GYS2: variants seen among roughly 807,000 people sequenced by gnomAD.
GYS2 encodes glycogen synthase 2, also known as glycogen [starch] synthase, liver.
A neutral mutation model predicts 85.6 loss-of-function variants in GYS2; 80 were observed. The observed-to-expected ratio is 0.93, with a 90% CI of 0.78 to 1.13. The LOEUF is 1.13. GYS2 is among the 50% of genes most tolerant of loss of function. The pLI is 0.00. For synonymous variants in GYS2, 328 were observed against 300.7 expected (o/e 1.09, Z -0.94); for missense variants, 881 against 854.9 (o/e 1.03, Z -0.38).
chr12:21,558,204 ACT>A lies in GYS2; in HGVS notation c.1416_1417del (p.Arg472SerfsTer22), dbSNP rs751191059. 1 of 1,578,290 alleles carries A rather than the reference ACT, an allele frequency of 6.3e-7. No individual in the cohort carries two copies. The highest frequency in any genetic ancestry group is 8.7e-7 in the Non-Finnish European group (1 of 1,147,366). On this transcript the variant is annotated frameshift_variant, in exon 11 of 16. Transcript: ENST00000261195. LOFTEE classifies it high-confidence loss of function. The stretch of plus-strand genomic sequence containing the variant: ...CACATGAACAATTTGTTCTACCTTG[ACT>A]CTATCTGTGCGGTTGTTGAAAAGTC...
At chr12:21,537,476 G>T (rs1943923765) in intron 15 of GYS2, 2 of 370,996 alleles carry the variant, frequency 5.4e-6, no homozygotes, top group Non-Finnish European at 1.0e-5. Context: ...AAAATGGAGG[G>T]TTAGAGGGGT....
At chr12:21,555,268 G>T (rs1944164778) in intron 11 of GYS2, among the ~76,000 whole-genome samples, 1 of 151,848 alleles carries the variant, frequency 6.6e-6, no homozygotes, top group African/African-American at 2.4e-5. Context: ...AAGTCTCTGT[G>T]GATATAATAA....
In GYS2 at chr12:21,551,243, G is replaced by C. The variant is rs117169207; in HGVS notation, c.1423-4773C>G. On this transcript the variant is annotated intron_variant, in intron 11 of 15. Transcript: ENST00000261195. ...ATCTCATTGTTCAATTCCCACCTAT[G>C]AGTGAGAATAGACACTTTTCATGTT... is the stretch of plus-strand genomic sequence containing the variant. Among the ~76,000 whole-genome samples the C allele has an allele frequency of 8.2e-3, 1,159 of 140,986 alleles. 5 individuals are homozygous for C. Among genetic ancestry groups the C allele is most frequent in the Middle Eastern group, 0.014 (3 of 218 alleles). The allele number at this position is 140,986 out of a possible 152,430, so 92.5% of individuals were successfully genotyped here.
At chr12:21,561,488 A>AG (rs1944252332) in intron 7 of GYS2, among the ~76,000 whole-genome samples, 1 of 134,016 alleles carries the variant, frequency 7.5e-6, no homozygotes, top group African/African-American at 2.7e-5. Flanking sequence ...CCCTAGGAAC[A>AG]GCCAAGGTGC....
At chr12:21,540,791 GA>G (rs914098704) in intron 13 of GYS2, among the ~76,000 whole-genome samples, 2 of 152,034 alleles carry the variant, frequency 1.3e-5, no homozygotes, top group South Asian at 2.1e-4. Flanking sequence ...GGATCTTGCT[GA>G]AAAAAACTCT....
chr12:21,575,723 C>G, intron 3 of GYS2, 143 bp downstream of exon 3: 1 of 718,602 alleles, frequency 1.4e-6, no homozygotes, highest in Non-Finnish European at 2.5e-6. Context: ...TCAACATTTC[C>G]TCAGATTTCT....
intron 1 of GYS2, among the ~76,000 whole-genome samples, chr12:21,589,934 A>G (rs1468132659): frequency 6.6e-6 from 1 of 152,090 alleles, no homozygotes; most frequent in Non-Finnish European, 1.5e-5. Flanking sequence ...ACATCCCTGA[A>G]GCTCTGCTGA....
chr12:21,569,805 C>T, intron 4 of GYS2, among the ~76,000 whole-genome samples: 1 of 152,202 alleles, frequency 6.6e-6, no homozygotes, highest in East Asian at 1.9e-4. Flanking sequence ...GCACTAGTGT[C>T]AGGCACTCCA....
intron 11 of GYS2, among the ~76,000 whole-genome samples, chr12:21,549,369 A>G (rs1202814705): frequency 1.3e-5 from 2 of 152,226 alleles, no homozygotes; most frequent in African/African-American, 2.4e-5. Context: ...AGAACCATTC[A>G]TAAACTGTAC....
Position 21,540,463 on chromosome 12 carries a change from T to A in GYS2, c.1756A>T (p.Arg586Trp). 1 of 1,614,082 alleles carries A rather than the reference T, an allele frequency of 6.2e-7. No individual in the cohort carries two copies. The highest frequency in any genetic ancestry group is 1.3e-5 in the African/African-American group (1 of 75,046). The change falls in exon 14 of 16, where the codon AGG becomes TGG. Residue 586 changes from arginine to tryptophan, a missense_variant. By Grantham distance (101) the Arg-to-Trp change is moderately radical. Transcript: ENST00000261195. ...TCTGAGAGCCTCTCAGTTCTGTTCC[T>A]CTGGATAATCCTTTGGCGGCGTGAC... ...KQSRRQRIIQRNRTERLSDLL... is the reference protein window; with the variant it reads ...KQSRRQRIIQWNRTERLSDLL...
intron 4 of GYS2, among the ~76,000 whole-genome samples, chr12:21,572,329 A>T (rs942514742): frequency 6.6e-6 from 1 of 152,064 alleles, no homozygotes; most frequent in Non-Finnish European, 1.5e-5. Context: ...TTGTTCTCAT[A>T]TTTGCCCTAT....
At position 21,575,855 on chromosome 12, in the gene GYS2, A is replaced by G. The variant is rs1944438891; in HGVS notation, c.495+11T>C. 1.2e-6 allele frequency: 2 copies of G among 1,600,978 alleles called. No homozygotes were observed. Among genetic ancestry groups the G allele is most frequent in the East Asian group, 2.2e-5 (1 of 44,798 alleles). ...TGCTCCTCCGTTGTATCACTATATA[A>G]TAAACCATACCTCTTTTAAGAACCA... is the stretch of plus-strand genomic sequence containing the variant. On this transcript the variant is annotated intron_variant, in intron 3 of 15. Transcript: ENST00000261195.
At position 21,576,454 on chromosome 12, in the gene GYS2, G is replaced by A. The variant is rs573634020; in HGVS notation, c.304-397C>T. 9.9e-5 allele frequency among the ~76,000 whole-genome samples: 15 copies of A among 152,186 alleles called. No homozygotes were observed. In the South Asian group the frequency reaches 2.9e-3, roughly 29 times the overall value. ...AGTTGGATATAATGGCTCCAGTGTC[G>A]CTTATTTTCTTTTATGGAACAGGAC... On this transcript the variant is annotated intron_variant, in intron 2 of 15. Transcript: ENST00000261195.
At chr12:21,555,147 T>G (rs1591786824) in intron 11 of GYS2, among the ~76,000 whole-genome samples, 1 of 152,134 alleles carries the variant, frequency 6.6e-6, no homozygotes, top group South Asian at 2.1e-4. Flanking sequence ...AAATAAACTT[T>G]CCCTGCCTCT....
intron 5 of GYS2, among the ~76,000 whole-genome samples, chr12:21,568,632 A>T (rs1359557629): frequency 1.3e-5 from 2 of 152,218 alleles, no homozygotes; most frequent in Non-Finnish European, 2.9e-5. Flanking sequence ...TATTTCAAGC[A>T]TAGCTCATTT....
chr12:21,579,001 A>C lies in GYS2; in HGVS notation c.303+1341T>G, dbSNP rs116542422. Among the ~76,000 whole-genome samples the C allele has an allele frequency of 2.9e-3, 438 of 152,112 alleles. 1 individual carries two copies. The highest frequency in any genetic ancestry group is 0.01 in the African/African-American group (424 of 41,502). The stretch of plus-strand genomic sequence containing the variant: ...CAACTTCTGTGTCTTTTTTCTTACC[A>C]CGTATTTATTCCTTAACCCACTGAA... On this transcript the variant is annotated intron_variant, in intron 2 of 15. Coordinates refer to ENST00000261195, the MANE Select transcript of GYS2 (RefSeq NM_021957.4).
chr12:21,564,464 C>T (rs1012719834), intron 5 of GYS2, among the ~76,000 whole-genome samples: 4 of 152,102 alleles, frequency 2.6e-5, no homozygotes, highest in South Asian at 2.1e-4. Context: ...TTACAGTTAA[C>T]TGGCTATTTT....
intron 10 of GYS2, among the ~76,000 whole-genome samples, chr12:21,558,707 C>G (rs1944213766): frequency 6.6e-6 from 1 of 152,180 alleles, no homozygotes; most frequent in African/African-American, 2.4e-5. Flanking sequence ...GCAAGCCTGA[C>G]ACATTTGTTT....
intron 11 of GYS2, among the ~76,000 whole-genome samples, chr12:21,555,451 A>C (rs1181162814): frequency 6.6e-6 from 1 of 152,178 alleles, no homozygotes; most frequent in African/African-American, 2.4e-5. Flanking sequence ...AAATGAGAAA[A>C]TAAAAACCAC....
Sources: gnomAD v4.1 joint callset for allele counts (sites outside exome capture counted in the v4.1 genomes callset) on GRCh38, gnomAD v4.1.1 for gene constraint, MANE v1.5 for transcripts, NCBI Gene and HGNC (gene_info 2026-07-23, HGNC 2026-07-21) for gene names.